CPED1: variants seen among roughly 807,000 people sequenced by gnomAD.
CPED1 encodes cadherin-like and PC-esterase domain-containing protein 1.
CPED1 carries 114 observed loss-of-function variants against 128.2 expected under a neutral mutation model. The ratio of observed to expected loss-of-function variants is 0.89; its 90% CI spans 0.76 to 1.04. The LOEUF is 1.04. CPED1 is among the 50% of genes least tolerant of loss of function. The probability of loss-of-function intolerance (pLI) is 0.00; values close to 1 mark genes in which losing one functional copy is unlikely to be tolerated. For synonymous variants in CPED1, 462 were observed against 426.7 expected, an observed-to-expected ratio of 1.08 and a Z score of -1.02; for missense variants, 1,211 against 1,207.1, an observed-to-expected ratio of 1.00 and a Z score of -0.05.
At chr7:121,097,424 T>G (rs564660898) in intron 5 of CPED1, among the ~76,000 whole-genome samples, 19 of 152,238 alleles carry the variant, frequency 1.2e-4, no homozygotes, top group Non-Finnish European at 2.1e-4. Flanking sequence ...GTTGGACAGT[T>G]AGAGACATTG....
chr7:121,183,439 AGAG>A (rs1554444773), intron 16 of CPED1, among the ~76,000 whole-genome samples: 4 of 152,190 alleles, frequency 2.6e-5, no homozygotes, highest in Non-Finnish European at 2.9e-5. Context: ...CCAAAGAAAG[AGAG>A]GAGGACAGTA....
intron 16 of CPED1, among the ~76,000 whole-genome samples, chr7:121,222,507 C>T (rs11977358): frequency 0.99 from 150,228 of 152,284 alleles, 74,135 homozygotes; most frequent in Middle Eastern, 1. Context: ...CATTGGTAGC[C>T]TGATGGGGAT....
intron 8 of CPED1, among the ~76,000 whole-genome samples, chr7:121,125,435 T>G (rs562455877): frequency 6.6e-6 from 1 of 152,242 alleles, no homozygotes; most frequent in South Asian, 2.1e-4. Flanking sequence ...GCGTTAGGTA[T>G]TTGTCCTAAT....
At chr7:121,154,556 TA>T (rs1469600089) in intron 16 of CPED1, among the ~76,000 whole-genome samples, 1 of 151,874 alleles carries the variant, frequency 6.6e-6, no homozygotes, top group Admixed American at 6.6e-5. Context: ...TTATTTTATT[TA>T]TTTTTTTGAG....
rs200483154 is a variant in CPED1 at position 121,099,966 on chromosome 7, C to T, written c.790C>T (p.Arg264Ter). Residue 264 changes from arginine (R) to a stop codon, truncating the protein, a stop_gained, in exon 7 of 23, where the codon CGA becomes TGA. Transcript: ENST00000310396. LOFTEE classifies it high-confidence loss of function. ...CCTTGCTCCACATGAAACAATCTTTCGAGCCGAAGATCTATCTGTGATTCT... is the reference window on the plus strand; with the variant it reads ...CCTTGCTCCACATGAAACAATCTTTTGAGCCGAAGATCTATCTGTGATTCT... ...TVLAPHETIF[R>*]AEDLSVILKA... 51 of 1,612,690 alleles carry T rather than the reference C, an allele frequency of 3.2e-5. No individual in the cohort carries two copies. The highest frequency in any genetic ancestry group is 5.4e-5 in the African/African-American group (4 of 74,508).
intron 16 of CPED1, among the ~76,000 whole-genome samples, chr7:121,175,707 T>C (rs1312785124): frequency 6.6e-6 from 1 of 152,120 alleles, no homozygotes; most frequent in Non-Finnish European, 1.5e-5. Context: ...ATGAATTATA[T>C]TTAAAACAAA....
At position 120,989,391 on chromosome 7, in the gene CPED1, G is replaced by T; in HGVS notation, c.-231G>T. On this transcript the variant is annotated splice_region_variant and 5_prime_UTR_variant, in exon 2 of 23. Transcript: ENST00000310396. ...ATTTGATGTCTTTTTTTAAACTCAG[G>T]TCATCCACTTTTGACTGTCATCCAT... is the stretch of plus-strand genomic sequence containing the variant. The T allele has an allele frequency of 1.9e-6, 1 of 534,806 alleles. No individual in the cohort carries two copies. Among genetic ancestry groups the T allele is most frequent in the Non-Finnish European group, 3.3e-6 (1 of 299,416 alleles). 33.1% of individuals were successfully genotyped at this position (534,806 alleles called of 1,614,324 possible).
At chr7:121,025,275 A>T (rs995782216) in intron 3 of CPED1, among the ~76,000 whole-genome samples, 1 of 152,112 alleles carries the variant, frequency 6.6e-6, no homozygotes, top group Admixed American at 6.6e-5. Flanking sequence ...TCTCTCCCCA[A>T]TTAACTGTCT....
chr7:121,165,101 T>C (rs1037763577), intron 16 of CPED1, among the ~76,000 whole-genome samples: 1 of 152,182 alleles, frequency 6.6e-6, no homozygotes, highest in Non-Finnish European at 1.5e-5. Context: ...AATTACTATG[T>C]TTCTTAAGTT....
chr7:121,035,815 C>T (rs745809806), intron 3 of CPED1, among the ~76,000 whole-genome samples: 9 of 150,784 alleles, frequency 6.0e-5, no homozygotes, highest in Non-Finnish European at 8.8e-5. Flanking sequence ...CCTAGGTGAC[C>T]GAGTGAGACC....
At chr7:121,101,132 A>T (rs1392513378) in intron 7 of CPED1, among the ~76,000 whole-genome samples, 1 of 152,024 alleles carries the variant, frequency 6.6e-6, no homozygotes, top group African/African-American at 2.4e-5. Context: ...CTGCTTCCCA[A>T]CCTTGCCTTC....
intron 16 of CPED1, among the ~76,000 whole-genome samples, chr7:121,171,887 A>G (rs1796655016): frequency 1.3e-5 from 2 of 152,214 alleles, no homozygotes; most frequent in Non-Finnish European, 2.9e-5. Context: ...ATTGATTTCA[A>G]ATGGGCAATA....
chr7:121,287,132 A>C (rs1258284524), intron 22 of CPED1, among the ~76,000 whole-genome samples: 1 of 152,194 alleles, frequency 6.6e-6, no homozygotes, highest in Non-Finnish European at 1.5e-5. Flanking sequence ...TGGAGATTAC[A>C]ATTCAAGATG....
At chr7:121,062,352 A>G (rs1227051593) in intron 4 of CPED1, among the ~76,000 whole-genome samples, 1 of 103,210 alleles carries the variant, frequency 9.7e-6, no homozygotes, top group Non-Finnish European at 2.7e-5. Flanking sequence ...TTGTGAACTT[A>G]AAAAACAAAC....
chr7:121,004,948 T>TA (rs1791967369), intron 2 of CPED1, among the ~76,000 whole-genome samples: 1 of 152,204 alleles, frequency 6.6e-6, no homozygotes, highest in African/African-American at 2.4e-5. Flanking sequence ...ATCATGCCCC[T>TA]ATGTATTTTT....
At chr7:121,027,042 T>C (rs930251373) in intron 3 of CPED1, among the ~76,000 whole-genome samples, 4 of 151,216 alleles carry the variant, frequency 2.6e-5, no homozygotes, top group Non-Finnish European at 5.9e-5. Flanking sequence ...AATCTCACTA[T>C]GTTACCCAGA....
At chr7:121,188,639 T>C (rs1417117493) in intron 16 of CPED1, among the ~76,000 whole-genome samples, 1 of 151,580 alleles carries the variant, frequency 6.6e-6, no homozygotes, top group African/African-American at 2.4e-5. Flanking sequence ...CATTTAGAGA[T>C]GGGGAAAGGG....
chr7:121,073,292 T>C (rs1794040016), intron 5 of CPED1, among the ~76,000 whole-genome samples: 2 of 152,172 alleles, frequency 1.3e-5, no homozygotes. Flanking sequence ...CATGAAGGTC[T>C]TCATCCTCAT....
intron 6 of CPED1, 80 bp from the exon 7 acceptor site, chr7:121,099,846 A>G (rs1463650794): frequency 5.5e-6 from 8 of 1,448,188 alleles, no homozygotes; most frequent in Non-Finnish European, 7.5e-6. Context: ...GAAGCAGTTT[A>G]CAAAGCTTGT....
Sources: allele counts gnomAD v4.1 joint callset (sites outside exome capture counted in the v4.1 genomes callset), GRCh38; gene constraint gnomAD v4.1.1; transcripts MANE v1.5; gene names NCBI Gene and HGNC (gene_info 2026-07-23, HGNC 2026-07-21).